The following RGS6 variants were observed in gnomAD, a reference collection of about 807,000 sequenced individuals.
The protein encoded by RGS6 is regulator of G protein signaling 6.
Under a neutral mutation model 78.5 loss-of-function variants are expected in RGS6, and 30 were observed. That is an observed-to-expected ratio of 0.38 (90% CI 0.29 to 0.52). The LOEUF is 0.52. Among genes scored for constraint, RGS6 ranks in the 20% least tolerant of loss-of-function variants. RGS6 has a pLI of 0.85. For synonymous variants in RGS6, 206 were observed against 206.0 expected, an observed-to-expected ratio of 1.00 and a Z score of 0.00; for missense variants, 495 against 609.7, an observed-to-expected ratio of 0.81 and a Z score of 1.98.
chr14:71,868,000 A>G, the RGS6 span, among the ~76,000 whole-genome samples: 3 of 152,220 alleles, frequency 2.0e-5, no homozygotes, highest in Non-Finnish European at 4.4e-5. Context: ...TGTTGAGACC[A>G]TCATCCATCC....
At chr14:72,330,440 A>G (rs1379510418) in intron 2 of RGS6, among the ~76,000 whole-genome samples, 1 of 152,230 alleles carries the variant, frequency 6.6e-6, no homozygotes, top group Non-Finnish European at 1.5e-5. Context: ...GAGAACCAGC[A>G]GCACCCTGAA....
chr14:72,161,888 G>C (rs1255352301), intron 2 of RGS6, among the ~76,000 whole-genome samples: 3 of 152,180 alleles, frequency 2.0e-5, no homozygotes, highest in African/African-American at 4.8e-5. Flanking sequence ...TTTTCTTCTT[G>C]TTCTTAAGTT....
At position 72,564,787 on chromosome 14, in the gene RGS6, T is replaced by C. The variant is rs2097702238; in HGVS notation, c.*2320T>C. 2.0e-5 allele frequency: 3 copies of C among 152,268 alleles called. No homozygotes were observed. The highest frequency in any genetic ancestry group is 4.8e-5 in the African/African-American group (2 of 41,434). The allele number at this position is 152,268 out of a possible 1,614,324, so 9.4% of individuals were successfully genotyped here. ...AGCCAGGTGGACTGTGGCCCTGAGATGGAGCTGGCTGCAGGCTTACAAGCA... is the reference window on the plus strand; with the variant it reads ...AGCCAGGTGGACTGTGGCCCTGAGACGGAGCTGGCTGCAGGCTTACAAGCA... On this transcript the variant is annotated 3_prime_UTR_variant, in exon 18 of 18. Transcript: ENST00000553525.
chr14:71,934,218 T>C (rs1439088064), intron 1 of RGS6, among the ~76,000 whole-genome samples: 1 of 152,212 alleles, frequency 6.6e-6, no homozygotes, highest in African/African-American at 2.4e-5. Flanking sequence ...CTATAGATGA[T>C]AAATTCTAAG....
At chr14:72,451,289 T>A (rs1010438505) in intron 3 of RGS6, among the ~76,000 whole-genome samples, 1 of 152,206 alleles carries the variant, frequency 6.6e-6, no homozygotes, top group Admixed American at 6.5e-5. Context: ...CTCCACTCTG[T>A]GGTCTCCATG....
intron 3 of RGS6, among the ~76,000 whole-genome samples, chr14:72,356,602 A>G (rs2080345099): frequency 6.6e-6 from 1 of 152,300 alleles, no homozygotes; most frequent in South Asian, 2.1e-4. Context: ...CTCATCTTGA[A>G]TTGTATAATA....
At chr14:72,242,483 T>C (rs902699802) in intron 2 of RGS6, among the ~76,000 whole-genome samples, 7 of 152,178 alleles carry the variant, frequency 4.6e-5, no homozygotes, top group African/African-American at 1.7e-4. Flanking sequence ...TCCAAGTGCA[T>C]CCCCATACTT....
the RGS6 span, among the ~76,000 whole-genome samples, chr14:71,894,697 C>A: frequency 1.3e-5 from 2 of 152,130 alleles, no homozygotes; most frequent in African/African-American, 4.8e-5. Flanking sequence ...TATCCCAGTA[C>A]CTAAAAGGAC....
intron 2 of RGS6, among the ~76,000 whole-genome samples, chr14:72,343,517 C>T (rs2077416377): frequency 6.6e-6 from 1 of 152,230 alleles, no homozygotes; most frequent in Non-Finnish European, 1.5e-5. Context: ...GTCCCTTTTG[C>T]CATGTGAAGT....
intron 17 of RGS6, chr14:72,547,157 G>C (rs778944615): frequency 1.3e-6 from 2 of 1,534,226 alleles, no homozygotes; most frequent in Non-Finnish European, 1.7e-6. Context: ...CTCTGCCTAG[G>C]ACAGAGCCTG....
rs182997812 is a variant in RGS6 at position 72,468,455 on chromosome 14, G to A, written c.460-1552G>A. 4.7e-3 allele frequency among the ~76,000 whole-genome samples: 707 copies of A among 151,110 alleles called. 4 individuals carry two copies. Among genetic ancestry groups the A allele is most frequent in the Non-Finnish European group, 5.1e-3 (348 of 67,890 alleles). On this transcript the variant is annotated intron_variant, in intron 7 of 17. Transcript: ENST00000553525. ...ACAAAAATGATTCAAAACCAAAAAA[G>A]CATTTTGCTTCCAAAATGCAATAAT... is the stretch of plus-strand genomic sequence containing the variant.
chr14:72,268,118 T>A (rs192325833), intron 2 of RGS6, among the ~76,000 whole-genome samples: 4 of 152,344 alleles, frequency 2.6e-5, no homozygotes, highest in Admixed American at 6.5e-5. Flanking sequence ...TTCCTGACAT[T>A]TTGACTTGTC....
intron 2 of RGS6, among the ~76,000 whole-genome samples, chr14:72,208,257 T>A (rs542003538): frequency 2.8e-4 from 42 of 152,276 alleles, no homozygotes; most frequent in Non-Finnish European, 5.1e-4. Context: ...GCTGAGACAT[T>A]GCAGATGGAA....
intron 3 of RGS6, among the ~76,000 whole-genome samples, chr14:72,353,732 C>G (rs958751355): frequency 6.6e-6 from 1 of 152,138 alleles, no homozygotes; most frequent in Non-Finnish European, 1.5e-5. Context: ...CCTGTAATCC[C>G]AGCACTTTAG....
intron 2 of RGS6, among the ~76,000 whole-genome samples, chr14:72,279,353 G>A (rs2061213888): frequency 6.6e-6 from 1 of 150,880 alleles, no homozygotes; most frequent in Non-Finnish European, 1.5e-5. Flanking sequence ...CTAGTGGAAG[G>A]TGGGGCAGCG....
At chr14:72,620,012 G>A in the RGS6 span, 1 of 1,513,742 alleles carries the variant, frequency 6.6e-7, no homozygotes. Flanking sequence ...AAGCACAGAG[G>A]AGGAGAGATT....
chr14:72,020,924 T>C (rs570309666), intron 2 of RGS6, among the ~76,000 whole-genome samples: 1 of 152,168 alleles, frequency 6.6e-6, no homozygotes, highest in Non-Finnish European at 1.5e-5. Context: ...CTATGCATGA[T>C]GAACTGGTCA....
At chr14:72,357,477 G>C (rs1280900561) in intron 3 of RGS6, among the ~76,000 whole-genome samples, 1 of 152,172 alleles carries the variant, frequency 6.6e-6, no homozygotes, top group Non-Finnish European at 1.5e-5. Flanking sequence ...TACTGATAGT[G>C]ATATGGACAA....
intron 2 of RGS6, among the ~76,000 whole-genome samples, chr14:71,976,411 C>A (rs541914671): frequency 4.6e-5 from 6 of 129,658 alleles, no homozygotes; most frequent in Non-Finnish European, 8.0e-5. Context: ...TCCCTCCCCC[C>A]TCCCCCCACC....
Sources: gnomAD v4.1 joint callset for allele counts (sites outside exome capture counted in the v4.1 genomes callset) on GRCh38, gnomAD v4.1.1 for gene constraint, MANE v1.5 for transcripts, NCBI Gene and HGNC (gene_info 2026-07-23, HGNC 2026-07-21) for gene names.